Variants in KIF26B observed in about 807,000 individuals in gnomAD.
KIF26B encodes the protein kinesin-like protein KIF26B.
KIF26B carries 63 observed loss-of-function variants against 151.2 expected under a neutral mutation model. That is an observed-to-expected ratio of 0.42 (90% CI 0.34 to 0.51). The LOEUF (loss-of-function observed/expected upper bound fraction) is 0.51, where lower values mean the gene tolerates loss of function less well. Among genes scored for constraint, KIF26B ranks in the 20% least tolerant of loss-of-function variants. The pLI, the probability that KIF26B is intolerant of heterozygous loss-of-function variation, is 0.07. For synonymous variants in KIF26B, 1,357 were observed against 1,262.1 expected (o/e 1.08, Z -1.59); for missense variants, 2,813 against 2,913.6 (o/e 0.97, Z 0.79).
chr1:245,687,685 T>C lies in KIF26B; in HGVS notation c.4702T>C (p.Ser1568Pro), dbSNP rs2044550375. 6.3e-7 allele frequency: 1 copy of C among 1,580,972 alleles called. No homozygotes were observed. The highest frequency in any genetic ancestry group is 2.3e-5 in the East Asian group (1 of 43,002). Reference sequence around the variant, plus strand: ...TGAGACCAACGGGGTGGGTGCAGCCTCGGGCACCCCGCCCTCCAAGGCTAC... The same window carrying C: ...TGAGACCAACGGGGTGGGTGCAGCCCCGGGCACCCCGCCCTCCAAGGCTAC... Reference protein sequence around the residue: ...AAETNGVGAASGTPPSKATLE... With the variant: ...AAETNGVGAAPGTPPSKATLE... Residue 1568 changes from serine to proline, a missense_variant, in exon 12 of 15, where the codon TCG (serine) becomes CCG (proline). This residue lies in a region of KIF26B where 2,060 missense variants were observed against 2,088.6 expected (regional missense o/e 0.99). Transcript: ENST00000407071. The surrounding 1 kb of genome is among the most constrained non-coding windows in gnomAD (Gnocchi z 4.9).
chr1:245,352,965 C>T lies in KIF26B; in HGVS notation c.466-13869C>T, dbSNP rs977026143. 1.4e-4 allele frequency among the ~76,000 whole-genome samples: 21 copies of T among 152,046 alleles called. 1 individual carries two copies. Among genetic ancestry groups the T allele is most frequent in the East Asian group, 1.9e-4 (1 of 5,192 alleles). ...ACTGAGTCTGCTCATATTATTCATACGATTATCACGTTAGAGGTTTTGGAG... is the reference window on the plus strand; with the variant it reads ...ACTGAGTCTGCTCATATTATTCATATGATTATCACGTTAGAGGTTTTGGAG... On this transcript the variant is annotated intron_variant, in intron 2 of 14. Transcript: ENST00000407071. This position sits in a 1 kb window ranked among gnomAD's most constrained non-coding sequence, Gnocchi z 5.0.
intron 4 of KIF26B, among the ~76,000 whole-genome samples, chr1:245,474,340 C>T (rs1439530493): frequency 3.3e-5 from 5 of 151,268 alleles, no homozygotes; most frequent in African/African-American, 1.2e-4. Context: ...GATCTCCTGA[C>T]CTCGTGATCC....
At chr1:245,646,389 ATTATAAG>A in intron 10 of KIF26B, 109 bp downstream of exon 10, 1 of 1,202,072 alleles carries the variant, frequency 8.3e-7, no homozygotes, top group Non-Finnish European at 1.1e-6. Context: ...CCTGGACCCC[ATTATAAG>A]TTCAGTGCCA....
At chr1:245,169,617 G>T (rs150884055) in intron 2 of KIF26B, among the ~76,000 whole-genome samples, 1 of 151,816 alleles carries the variant, frequency 6.6e-6, no homozygotes, top group Non-Finnish European at 1.5e-5. Context: ...TTTTGCAGCC[G>T]GGGTGGTAAA....
At chr1:245,223,256 T>C (rs957989406) in intron 2 of KIF26B, among the ~76,000 whole-genome samples, 1 of 152,226 alleles carries the variant, frequency 6.6e-6, no homozygotes, top group East Asian at 1.9e-4. Flanking sequence ...CTGATACATT[T>C]CAGAGAAACC....
intron 4 of KIF26B, among the ~76,000 whole-genome samples, chr1:245,443,601 C>T (rs1257936673): frequency 9.1e-6 from 1 of 110,108 alleles, no homozygotes; most frequent in African/African-American, 3.0e-5. Context: ...CACCGTTCAC[C>T]TAGAGCGGTC....
chr1:245,353,034 A>G (rs1419353887), intron 2 of KIF26B, among the ~76,000 whole-genome samples: 1 of 152,240 alleles, frequency 6.6e-6, no homozygotes, highest in Non-Finnish European at 1.5e-5. Flanking sequence ...ATTAATTTAT[A>G]TAAGTAGACA....
At chr1:245,381,656 C>T (rs1325590668) in intron 3 of KIF26B, among the ~76,000 whole-genome samples, 2 of 152,122 alleles carry the variant, frequency 1.3e-5, no homozygotes, top group Non-Finnish European at 2.9e-5. Flanking sequence ...CAGCCATCAC[C>T]ACCATCCATC....
At chr1:245,504,030 C>T (rs72762846) in intron 4 of KIF26B, among the ~76,000 whole-genome samples, 1 of 152,136 alleles carries the variant, frequency 6.6e-6, no homozygotes. Flanking sequence ...TTTCGTATCC[C>T]CTAGGGGCTG....
chr1:245,471,036 A>G (rs1371654218), intron 4 of KIF26B, among the ~76,000 whole-genome samples: 2 of 152,050 alleles, frequency 1.3e-5, no homozygotes, highest in East Asian at 1.9e-4. Flanking sequence ...TTTGGCTTCT[A>G]CATTTATTGT....
At chr1:245,211,864 T>A (rs949936439) in intron 2 of KIF26B, among the ~76,000 whole-genome samples, 1 of 152,264 alleles carries the variant, frequency 6.6e-6, no homozygotes, top group East Asian at 1.9e-4. Flanking sequence ...GTGCAGAGTC[T>A]GCTTGCTGGC....
intron 9 of KIF26B, among the ~76,000 whole-genome samples, chr1:245,632,439 C>T (rs1309654348): frequency 6.6e-5 from 10 of 152,212 alleles, no homozygotes; most frequent in African/African-American, 2.4e-4. Context: ...TGGTCTAACA[C>T]ATGGTCTATC....
At chr1:245,418,472 A>T (rs1215628443) in intron 3 of KIF26B, among the ~76,000 whole-genome samples, 1 of 152,242 alleles carries the variant, frequency 6.6e-6, no homozygotes. Flanking sequence ...TATTCTGCTA[A>T]TAATGAAAAG....
chr1:245,637,016 A>G (rs551529017), intron 9 of KIF26B, among the ~76,000 whole-genome samples: 1 of 152,032 alleles, frequency 6.6e-6, no homozygotes, highest in Admixed American at 6.6e-5. Flanking sequence ...GATTTCTTTT[A>G]CTTTGGATAT....
intron 5 of KIF26B, among the ~76,000 whole-genome samples, chr1:245,568,553 C>A (rs1197779130): frequency 6.6e-6 from 1 of 152,268 alleles, no homozygotes; most frequent in African/African-American, 2.4e-5. Flanking sequence ...TGAGACATTA[C>A]ATAGTTTGAG....
In KIF26B at chr1:245,658,912, C is replaced by A. The variant is rs540809816; in HGVS notation, c.2258+12632C>A. On this transcript the variant is annotated intron_variant, in intron 10 of 14. Transcript: ENST00000407071. The stretch of plus-strand genomic sequence containing the variant: ...TATTTTAAATATTTGTTTACATATA[C>A]CTCTCCTATCATATGAGCTCATCTA... 6.6e-5 allele frequency among the ~76,000 whole-genome samples: 10 copies of A among 152,124 alleles called. No homozygotes were observed. The South Asian group carries it at 1.5e-3, about 22-fold the overall frequency.
intron 2 of KIF26B, among the ~76,000 whole-genome samples, chr1:245,159,681 A>T (rs572786975): frequency 8.5e-5 from 13 of 152,302 alleles, no homozygotes; most frequent in Non-Finnish European, 1.5e-4. Context: ...GAGTTCTCAC[A>T]CTGTGCCTGT....
intron 4 of KIF26B, among the ~76,000 whole-genome samples, chr1:245,464,665 T>G (rs969223358): frequency 3.3e-5 from 5 of 150,290 alleles, no homozygotes; most frequent in East Asian, 1.9e-4. Context: ...CGTGTGTGTG[T>G]GTGGGTGTGT....
chr1:245,232,551 G>GTTTTTT (rs58620865), intron 2 of KIF26B, among the ~76,000 whole-genome samples: 4 of 131,782 alleles, frequency 3.0e-5, no homozygotes, highest in East Asian at 4.4e-4. Context: ...GGTTTCATTT[G>GTTTTTT]TTTTTTTTTT....
Sources: allele counts gnomAD v4.1 joint callset (sites outside exome capture counted in the v4.1 genomes callset), GRCh38; gene constraint gnomAD v4.1.1; regional missense constraint gnomAD v4.1.1; non-coding constraint Gnocchi (gnomAD v3.1); transcripts MANE v1.5; gene names NCBI Gene and HGNC (gene_info 2026-07-23, HGNC 2026-07-21).